The following GRIK4 variants were observed in gnomAD, a reference collection of about 807,000 sequenced individuals.
GRIK4 encodes the protein glutamate receptor ionotropic, kainate 4.
A neutral mutation model predicts 104.9 loss-of-function variants in GRIK4; 40 were observed. The observed-to-expected ratio is 0.38, with a 90% CI of 0.30 to 0.50. The LOEUF is 0.50. Ranked by LOEUF, GRIK4 falls within the 20% of genes least tolerant of loss-of-function variation. The probability of loss-of-function intolerance (pLI) is 0.93; values close to 1 mark genes in which losing one functional copy is unlikely to be tolerated. For synonymous variants in GRIK4, 485 were observed against 524.9 expected, an observed-to-expected ratio of 0.92 and a Z score of 1.04; for missense variants, 1,047 against 1,308.1, an observed-to-expected ratio of 0.80 and a Z score of 3.08.
chr11:120,710,677 T>C (rs1024096735), intron 3 of GRIK4, among the ~76,000 whole-genome samples: 3 of 152,198 alleles, frequency 2.0e-5, no homozygotes, highest in Non-Finnish European at 1.5e-5. Flanking sequence ...AAAGCAGACC[T>C]CCTCCAGATT....
At chr11:120,553,007 GA>G (rs112138794) in intron 1 of GRIK4, among the ~76,000 whole-genome samples, 25,700 of 96,778 alleles carry the variant, frequency 0.27, 3,949 homozygotes, top group African/African-American at 0.52. Flanking sequence ...CTCAAAAAAA[GA>G]AAAAAAAAAA....
intron 8 of GRIK4, among the ~76,000 whole-genome samples, chr11:120,851,130 CT>C (rs1356017130): frequency 6.6e-6 from 1 of 152,138 alleles, no homozygotes; most frequent in Non-Finnish European, 1.5e-5. Flanking sequence ...AAACCCATTC[CT>C]GATCATATTG....
intron 4 of GRIK4, among the ~76,000 whole-genome samples, chr11:120,813,558 GC>G (rs1952872429): frequency 6.6e-6 from 1 of 152,176 alleles, no homozygotes; most frequent in Admixed American, 6.5e-5. Flanking sequence ...GTTGTGGGAT[GC>G]CTGCCCAAGC....
Position 120,986,308 on chromosome 11 carries a change from G to GGGGCGGGGC in GRIK4, c.*54_*62dup, listed in dbSNP as rs1201965436. Reference sequence around the variant, plus strand: ...AGAGGCCGGGCGGGGCGGGAGGGGAGGGGCGGGGCGGGCGCTGCTGTCAGC... The same window carrying GGGGCGGGGC: ...AGAGGCCGGGCGGGGCGGGAGGGGAGGGGCGGGGCGGGCGGGGCGGGCGCTGCTGTCAGC... On this transcript the variant is annotated 3_prime_UTR_variant, in exon 21 of 21. Coordinates refer to ENST00000527524, the MANE Select transcript of GRIK4 (RefSeq NM_014619.5). 5 of 1,431,722 alleles carry GGGGCGGGGC rather than the reference G, an allele frequency of 3.5e-6. No homozygotes were observed. The highest frequency in any genetic ancestry group is 4.5e-6 in the Non-Finnish European group (5 of 1,100,660). 88.7% of individuals were successfully genotyped at this position (1,431,722 alleles called of 1,614,324 possible). A position where few individuals can be genotyped will look rare whatever the true frequency, so the allele number is the denominator to read the frequency against.
At chr11:120,554,461 C>A (rs1297166756) in intron 1 of GRIK4, among the ~76,000 whole-genome samples, 1 of 152,192 alleles carries the variant, frequency 6.6e-6, no homozygotes, top group Non-Finnish European at 1.5e-5. Flanking sequence ...GACTTTCTCT[C>A]CACACTCCCC....
intron 9 of GRIK4, chr11:120,871,112 G>A (rs11602311): frequency 0.021 from 3,227 of 156,508 alleles, 105 homozygotes; most frequent in African/African-American, 0.072. Flanking sequence ...ATCTGAGAAT[G>A]GTGAGATTAA....
chr11:120,518,677 T>C (rs138395000), intron 1 of GRIK4, among the ~76,000 whole-genome samples: 1,676 of 152,260 alleles, frequency 0.011, 45 homozygotes, highest in East Asian at 0.064. Context: ...GAGTGCAATG[T>C]GCGCGACCTT....
intron 6 of GRIK4, among the ~76,000 whole-genome samples, chr11:120,821,844 A>C (rs1953134339): frequency 6.6e-6 from 1 of 152,214 alleles, no homozygotes; most frequent in African/African-American, 2.4e-5. Context: ...TAAGAGAGCA[A>C]CACGCAGCCT....
intron 4 of GRIK4, among the ~76,000 whole-genome samples, chr11:120,815,021 C>T (rs1358753366): frequency 2.0e-5 from 3 of 152,234 alleles, no homozygotes; most frequent in Admixed American, 2.0e-4. Context: ...TCCCCCTACC[C>T]CCCTGCAGGC....
chr11:120,698,056 T>A (rs1377771695), intron 3 of GRIK4, among the ~76,000 whole-genome samples: 1 of 151,932 alleles, frequency 6.6e-6, no homozygotes, highest in African/African-American at 2.4e-5. Context: ...CCAAGAGGTG[T>A]CCCCCCTGGC....
chr11:120,769,818 G>GT (rs568632825), intron 3 of GRIK4, among the ~76,000 whole-genome samples: 46 of 152,306 alleles, frequency 3.0e-4, no homozygotes, highest in African/African-American at 9.6e-4. Context: ...AAGAAGTGTA[G>GT]TTTAGCTGGG....
At chr11:120,839,754 C>T (rs1953668635) in intron 8 of GRIK4, among the ~76,000 whole-genome samples, 1 of 152,172 alleles carries the variant, frequency 6.6e-6, no homozygotes, top group African/African-American at 2.4e-5. Context: ...AATGCCCATA[C>T]CTCACTCCCA....
intron 1 of GRIK4, among the ~76,000 whole-genome samples, chr11:120,606,402 A>G (rs1948963360): frequency 1.3e-5 from 2 of 152,184 alleles, no homozygotes; most frequent in South Asian, 2.1e-4. Flanking sequence ...AGTTATTTAC[A>G]TAGCGCTGTA....
At position 120,541,107 on chromosome 11, in the gene GRIK4, C is replaced by T. The variant is rs546744936; in HGVS notation, c.-159+29220C>T. On this transcript the variant is annotated intron_variant, in intron 1 of 20. Coordinates refer to ENST00000527524, the MANE Select transcript of GRIK4 (RefSeq NM_014619.5). ...TGCCCCTGGACTGAGGCGCAGCTAC[C>T]GGAATGTGCTGTGCTAGTTCACACA... Among the ~76,000 whole-genome samples the T allele has an allele frequency of 1.2e-4, 19 of 152,404 alleles. No individual in the cohort carries two copies. The South Asian group carries it at 3.1e-3, about 25-fold the overall frequency.
chr11:120,518,074 G>A (rs1947752530), intron 1 of GRIK4, among the ~76,000 whole-genome samples: 1 of 152,244 alleles, frequency 6.6e-6, no homozygotes, highest in Non-Finnish European at 1.5e-5. Flanking sequence ...AGGCTGCTGA[G>A]AAGGGAGGTT....
chr11:120,979,495 T>A (rs1944615748), intron 19 of GRIK4, among the ~76,000 whole-genome samples: 1 of 152,156 alleles, frequency 6.6e-6, no homozygotes, highest in Non-Finnish European at 1.5e-5. Flanking sequence ...ATGTAAGTGT[T>A]TTTAAGGGCT....
At chr11:120,747,349 G>C (rs532026957) in intron 3 of GRIK4, among the ~76,000 whole-genome samples, 1 of 152,308 alleles carries the variant, frequency 6.6e-6, no homozygotes, top group Admixed American at 6.5e-5. Context: ...TCAGTTCTGA[G>C]CCAGACCTGC....
chr11:120,669,771 G>A (rs1949984220), intron 3 of GRIK4, among the ~76,000 whole-genome samples: 1 of 152,228 alleles, frequency 6.6e-6, no homozygotes, highest in Non-Finnish European at 1.5e-5. Flanking sequence ...AGATGGATGT[G>A]CCTCAGGGCC....
chr11:120,967,230 C>A lies in GRIK4; in HGVS notation c.2302C>A (p.Leu768Ile), dbSNP rs766407703. 1 of 1,613,760 alleles carries A rather than the reference C, an allele frequency of 6.2e-7. No homozygotes were observed. The highest frequency in any genetic ancestry group is 1.3e-5 in the African/African-American group (1 of 74,914). The change falls in exon 19 of 21, where the codon CTC (leucine) becomes ATC (isoleucine). Residue 768 changes from leucine to isoleucine, a missense_variant. By Grantham distance (5) the Leu-to-Ile change is conservative. Coordinates refer to ENST00000527524, the MANE Select transcript of GRIK4 (RefSeq NM_014619.5). This position sits in a 1 kb window ranked among gnomAD's most constrained non-coding sequence, Gnocchi z 4.2. ...VFRDEFDLAILQLQENNRLEI... is the reference protein window; with the variant it reads ...VFRDEFDLAIIQLQENNRLEI... ...CCGGGACGAGTTTGATCTGGCCATT[C>A]TCCAGCTGCAGGAGAACAACCGCCT...
Sources: gnomAD v4.1 joint callset for allele counts (sites outside exome capture counted in the v4.1 genomes callset) on GRCh38, gnomAD v4.1.1 for gene constraint, Gnocchi (gnomAD v3.1) non-coding constraint, MANE v1.5 for transcripts, NCBI Gene and HGNC (gene_info 2026-07-23, HGNC 2026-07-21) for gene names.